Variants in EML5 observed in about 807,000 individuals in gnomAD.
EML5 encodes EMAP like 5.
Under a neutral mutation model 250.0 loss-of-function variants are expected in EML5, and 120 were observed. The observed-to-expected ratio is 0.48, with a 90% CI of 0.41 to 0.56. EML5 has a LOEUF of 0.56. EML5 is among the 20% of genes least tolerant of loss of function. The pLI, the probability that EML5 is intolerant of heterozygous loss-of-function variation, is 0.00. For synonymous variants in EML5, 771 were observed against 806.5 expected, an observed-to-expected ratio of 0.96 and a Z score of 0.75; for missense variants, 2,006 against 2,437.6, an observed-to-expected ratio of 0.82 and a Z score of 3.73.
intron 27 of EML5, among the ~76,000 whole-genome samples, chr14:88,655,709 A>T (rs1322412310): frequency 6.6e-6 from 1 of 152,054 alleles, no homozygotes; most frequent in Non-Finnish European, 1.5e-5. Flanking sequence ...ATGGGAGAAA[A>T]TTTTTGCAAT....
At chr14:88,788,011 G>T (rs941521308) in intron 1 of EML5, among the ~76,000 whole-genome samples, 2 of 152,144 alleles carry the variant, frequency 1.3e-5, no homozygotes, top group African/African-American at 4.8e-5. Context: ...CTGACTTTGT[G>T]CGTTTGAGCA....
At chr14:88,639,979 A>T (rs903955314) in intron 31 of EML5, among the ~76,000 whole-genome samples, 1 of 152,214 alleles carries the variant, frequency 6.6e-6, no homozygotes, top group Non-Finnish European at 1.5e-5. Context: ...TCCATGCAGA[A>T]GGGAAAAAAG....
intron 18 of EML5, 125 bp downstream of exon 18, chr14:88,688,146 C>T (rs527514064): frequency 4.3e-5 from 38 of 881,996 alleles, no homozygotes; most frequent in South Asian, 3.5e-4. Flanking sequence ...GTCAAGATGA[C>T]CCTAGCCCAC....
In EML5 at chr14:88,616,880, C is replaced by T. The variant is rs775319142; in HGVS notation, c.5643-1G>A. ...TCCCAAAACCTCATCTCCTAGAATACTAGAGGGAAGGAACAAAAGAAAACT... is the reference window on the plus strand; with the variant it reads ...TCCCAAAACCTCATCTCCTAGAATATTAGAGGGAAGGAACAAAAGAAAACT... On this transcript the variant is annotated splice_acceptor_variant, in intron 41 of 43. Coordinates refer to ENST00000554922, the MANE Select transcript of EML5 (RefSeq NM_183387.3). LOFTEE classifies it high-confidence loss of function. 1.2e-6 allele frequency: 2 copies of T among 1,612,726 alleles called. No homozygotes were observed. Among genetic ancestry groups the T allele is most frequent in the Non-Finnish European group, 8.5e-7 (1 of 1,179,418 alleles).
In EML5 at chr14:88,761,283, T is replaced by C. The variant is rs867730723; in HGVS notation, c.198-6612A>G. On this transcript the variant is annotated intron_variant, in intron 1 of 43. Coordinates refer to ENST00000554922, the MANE Select transcript of EML5 (RefSeq NM_183387.3). Reference sequence around the variant, plus strand: ...TTGTTGCATAGGTATACATGTGTCATGGTGGTTTGCTGCACTCATCAACCT... The same window carrying C: ...TTGTTGCATAGGTATACATGTGTCACGGTGGTTTGCTGCACTCATCAACCT... 3.3e-5 allele frequency among the ~76,000 whole-genome samples: 5 copies of C among 152,184 alleles called. 1 individual carries two copies. Among genetic ancestry groups the C allele is most frequent in the South Asian group, 2.1e-4 (1 of 4,830 alleles).
At chr14:88,623,302 C>A (rs986789644) in intron 36 of EML5, 1 of 152,080 alleles carries the variant, frequency 6.6e-6, no homozygotes, top group African/African-American at 2.4e-5. Flanking sequence ...CAGGTATGAG[C>A]CACTGTGCCT....
intron 9 of EML5, 100 bp downstream of exon 9, chr14:88,714,829 CAGATCTTCTT>C (rs2093466444): frequency 3.8e-6 from 4 of 1,047,802 alleles, no homozygotes; most frequent in Non-Finnish European, 5.5e-6. Flanking sequence ...AATATTAGCT[CAGATCTTCTT>C]TGATTTCCTA....
intron 21 of EML5, among the ~76,000 whole-genome samples, chr14:88,667,133 C>T (rs2092330229): frequency 6.6e-6 from 1 of 152,094 alleles, no homozygotes; most frequent in Non-Finnish European, 1.5e-5. Flanking sequence ...GTGCTTAGTT[C>T]TGTACAAATT....
Position 88,708,567 on chromosome 14 carries a change from T to C in EML5, c.1658-2141A>G, listed in dbSNP as rs78653121. On this transcript the variant is annotated intron_variant, in intron 10 of 43. Coordinates refer to ENST00000554922, the MANE Select transcript of EML5 (RefSeq NM_183387.3). Reference sequence around the variant, plus strand: ...ACTTTTGAGTTGGAATGCTAGACTGTAATGTAGGAAAGAGTAGTAAAGGAA... The same window carrying C: ...ACTTTTGAGTTGGAATGCTAGACTGCAATGTAGGAAAGAGTAGTAAAGGAA... Among the ~76,000 whole-genome samples, 780 of 152,172 alleles carry C rather than the reference T, an allele frequency of 5.1e-3. 3 individuals are homozygous for C. Among genetic ancestry groups the C allele is most frequent in the Non-Finnish European group, 8.1e-3 (554 of 67,996 alleles).
intron 4 of EML5, among the ~76,000 whole-genome samples, chr14:88,741,445 A>G (rs980497793): frequency 6.6e-5 from 10 of 152,234 alleles, no homozygotes; most frequent in Admixed American, 5.9e-4. Flanking sequence ...TTCTTGGGAG[A>G]AAATAAGAAG....
chr14:88,742,663 C>G (rs2093940985), intron 4 of EML5, among the ~76,000 whole-genome samples: 1 of 152,106 alleles, frequency 6.6e-6, no homozygotes, highest in African/African-American at 2.4e-5. Context: ...AGTACCATAT[C>G]AAACACACTG....
chr14:88,669,015 G>A (rs1374816983), intron 21 of EML5, among the ~76,000 whole-genome samples: 1 of 152,092 alleles, frequency 6.6e-6, no homozygotes, highest in Non-Finnish European at 1.5e-5. Flanking sequence ...TGGTTGGCAT[G>A]ACCCATGGAG....
chr14:88,702,457 C>A lies in EML5; in HGVS notation c.2227G>T (p.Ala743Ser). The change falls in exon 14 of 44, where the codon GCA (alanine) becomes TCA (serine). Residue 743 changes from alanine (A) to serine (S), a missense_variant. By Grantham distance (99) the Ala-to-Ser change is moderately conservative. Coordinates refer to ENST00000554922, the MANE Select transcript of EML5 (RefSeq NM_183387.3). ...LTIHPLKDYVATGQVGRDPSI... is the reference protein window; with the variant it reads ...LTIHPLKDYVSTGQVGRDPSI... ...TCTTTCAAACCTACCTGGCCTGTTG[C>A]CACGTAGTCTTTCAAAGGATGAATA... is the stretch of plus-strand genomic sequence containing the variant. The A allele has an allele frequency of 6.2e-7, 1 of 1,610,062 alleles. No homozygotes were observed. The highest frequency in any genetic ancestry group is 2.2e-5 in the East Asian group (1 of 44,718).
chr14:88,691,073 G>T (rs2092947686), intron 17 of EML5, among the ~76,000 whole-genome samples: 1 of 152,202 alleles, frequency 6.6e-6, no homozygotes, highest in Admixed American at 6.5e-5. Flanking sequence ...ACAAGCTAGA[G>T]ACTCTGCTAA....
chr14:88,643,554 G>A (rs1401204489), intron 30 of EML5, among the ~76,000 whole-genome samples: 2 of 152,154 alleles, frequency 1.3e-5, no homozygotes, highest in Non-Finnish European at 2.9e-5. Context: ...TTGAGCACCT[G>A]TGGATTTTGG....
At chr14:88,657,219 T>A (rs2091906049) in intron 27 of EML5, among the ~76,000 whole-genome samples, 157 bp downstream of exon 27, 1 of 152,132 alleles carries the variant, frequency 6.6e-6, no homozygotes, top group South Asian at 2.1e-4. Context: ...TACCAAAAGG[T>A]ATTTAAAGAC....
intron 5 of EML5, 119 bp downstream of exon 5, chr14:88,740,264 TAGAA>T: frequency 1.5e-6 from 1 of 689,308 alleles, no homozygotes. Context: ...ATAATTCAGT[TAGAA>T]AAGCATTTTC....
At chr14:88,729,558 G>T (rs562786241) in intron 7 of EML5, among the ~76,000 whole-genome samples, 14 of 148,394 alleles carry the variant, frequency 9.4e-5, no homozygotes, top group Admixed American at 5.3e-4. Flanking sequence ...TACTTATTTG[G>T]TTTTTTGTTT....
chr14:88,775,963 A>T (rs192261350), intron 1 of EML5, among the ~76,000 whole-genome samples: 1 of 152,140 alleles, frequency 6.6e-6, no homozygotes, highest in Admixed American at 6.5e-5. Context: ...AATGAGTAAG[A>T]GTGTGCCTGC....
Sources: gnomAD v4.1 joint callset for allele counts (sites outside exome capture counted in the v4.1 genomes callset) on GRCh38, gnomAD v4.1.1 for gene constraint, MANE v1.5 for transcripts, NCBI Gene and HGNC (gene_info 2026-07-23, HGNC 2026-07-21) for gene names.